Variants in PSD3 observed in about 807,000 individuals in gnomAD.
PSD3 encodes the protein PH and SEC7 domain-containing protein 3.
A neutral mutation model predicts 105.5 loss-of-function variants in PSD3; 49 were observed. The ratio of observed to expected loss-of-function variants is 0.46; its 90% CI spans 0.37 to 0.59. The LOEUF (loss-of-function observed/expected upper bound fraction) is 0.59. Ranked by LOEUF, PSD3 falls within the 20% of genes least tolerant of loss-of-function variation. PSD3 has a pLI of 0.00. For missense variants in PSD3, 1,561 were observed against 1,263.8 expected, an observed-to-expected ratio of 1.24 and a Z score of -3.57; for synonymous variants, 557 against 457.8, an observed-to-expected ratio of 1.22 and a Z score of -2.77.
At chr8:18,744,975 T>G (rs1804889250) in intron 9 of PSD3, among the ~76,000 whole-genome samples, 1 of 152,156 alleles carries the variant, frequency 6.6e-6, no homozygotes, top group South Asian at 2.1e-4. Context: ...TTGGCTGCTG[T>G]TTTCTCATGT....
chr8:19,042,885 C>CTCCAG (rs1295700644), intron 1 of PSD3, among the ~76,000 whole-genome samples: 1 of 152,196 alleles, frequency 6.6e-6, no homozygotes, highest in African/African-American at 2.4e-5. Context: ...TTGCTCTCAT[C>CTCCAG]TCCAGTTAAA....
At chr8:18,836,949 C>T (rs968858146) in intron 4 of PSD3, among the ~76,000 whole-genome samples, 1 of 149,486 alleles carries the variant, frequency 6.7e-6, no homozygotes, top group Admixed American at 6.7e-5. Flanking sequence ...AAGTTTCTTA[C>T]GTGTTTTTTT....
At chr8:18,606,544 T>C (rs960911141) in intron 11 of PSD3, among the ~76,000 whole-genome samples, 8 of 152,216 alleles carry the variant, frequency 5.3e-5, no homozygotes, top group African/African-American at 1.4e-4. Flanking sequence ...AAAAAATAGA[T>C]TCTCTATTGC....
At position 18,998,445 on chromosome 8, in the gene PSD3, T is replaced by G. The variant is rs1221707756; in HGVS notation, c.21+15118A>C. On this transcript the variant is annotated intron_variant, in intron 1 of 15. Transcript: ENST00000327040. Reference sequence around the variant, plus strand: ...GCTCACGCCTGTAATCCCAGCACTTTGGGAGGCCGAGGCGGGTGGATCACA... The same window carrying G: ...GCTCACGCCTGTAATCCCAGCACTTGGGGAGGCCGAGGCGGGTGGATCACA... 1.3e-5 allele frequency among the ~76,000 whole-genome samples: 2 copies of G among 151,906 alleles called. 1 individual carries two copies. The highest frequency in any genetic ancestry group is 4.8e-5 in the African/African-American group (2 of 41,322).
intron 9 of PSD3, among the ~76,000 whole-genome samples, chr8:18,751,223 A>ACAGCGCTGGTGGGC (rs1185893582): frequency 1.3e-5 from 2 of 152,204 alleles, no homozygotes; most frequent in Non-Finnish European, 2.9e-5. Context: ...GAAATCGAGC[A>ACAGCGCTGGTGGGC]CAGCGCTGGT....
chr8:18,614,441 G>C (rs2130667793), intron 11 of PSD3, among the ~76,000 whole-genome samples: 1 of 145,366 alleles, frequency 6.9e-6, no homozygotes, highest in South Asian at 2.1e-4. Context: ...TAATCTTTTA[G>C]GTAAAACGCA....
intron 2 of PSD3, among the ~76,000 whole-genome samples, chr8:18,896,404 T>G (rs1046734269): frequency 2.0e-5 from 3 of 152,202 alleles, no homozygotes; most frequent in African/African-American, 7.2e-5. Flanking sequence ...CTGTTTTTCC[T>G]TAGTGGCTAT....
Position 18,852,804 on chromosome 8 carries a change from G to A in PSD3, c.1634+14870C>T, listed in dbSNP as rs537938329. 1.3e-4 allele frequency among the ~76,000 whole-genome samples: 20 copies of A among 152,288 alleles called. No individual in the cohort carries two copies. The South Asian group carries it at 4.1e-3, about 32-fold the overall frequency. On this transcript the variant is annotated intron_variant, in intron 4 of 15. Transcript: ENST00000327040. ...GTCCTCACGTGCCTCACATAAGGAA[G>A]CACAATTTAAACGTCATAATAGCCA...
chr8:18,754,355 G>A (rs993632604), intron 9 of PSD3, among the ~76,000 whole-genome samples: 1 of 152,158 alleles, frequency 6.6e-6, no homozygotes, highest in South Asian at 2.1e-4. Context: ...CTGCATTCCA[G>A]CCTGGGCGAC....
intron 12 of PSD3, among the ~76,000 whole-genome samples, chr8:18,585,799 C>T (rs549710520): frequency 2.0e-5 from 3 of 152,174 alleles, no homozygotes; most frequent in African/African-American, 7.2e-5. Context: ...ACATCATTTC[C>T]CCTCATTTTA....
chr8:18,537,197 C>G (rs1799894572), intron 15 of PSD3, among the ~76,000 whole-genome samples: 1 of 152,162 alleles, frequency 6.6e-6, no homozygotes, highest in South Asian at 2.1e-4. Flanking sequence ...GTACCAACAG[C>G]TTAACACAGG....
chr8:18,784,003 A>G (rs1808885460), intron 8 of PSD3, among the ~76,000 whole-genome samples: 1 of 152,244 alleles, frequency 6.6e-6, no homozygotes, highest in Admixed American at 6.5e-5. Flanking sequence ...ATTTAGGAGT[A>G]TATTGTATGA....
At chr8:18,791,367 G>C (rs897416761) in intron 8 of PSD3, among the ~76,000 whole-genome samples, 1 of 152,088 alleles carries the variant, frequency 6.6e-6, no homozygotes, top group Non-Finnish European at 1.5e-5. Context: ...CATGGTACTG[G>C]TACAAGAATG....
intron 11 of PSD3, among the ~76,000 whole-genome samples, chr8:18,601,755 C>T (rs1453453470): frequency 6.6e-6 from 1 of 152,108 alleles, no homozygotes; most frequent in Non-Finnish European, 1.5e-5. Flanking sequence ...AACAGATAAC[C>T]ATACATCACA....
At chr8:18,693,768 T>C (rs780437588) in intron 9 of PSD3, among the ~76,000 whole-genome samples, 2 of 152,232 alleles carry the variant, frequency 1.3e-5, no homozygotes, top group African/African-American at 4.8e-5. Context: ...TTTTCTAATA[T>C]GATCCTCAAA....
intron 1 of PSD3, among the ~76,000 whole-genome samples, chr8:18,939,762 A>G (rs1398166521): frequency 6.6e-6 from 1 of 152,254 alleles, no homozygotes; most frequent in Non-Finnish European, 1.5e-5. Context: ...TATCAAGAGG[A>G]GCCTGCTCAA....
chr8:18,752,516 T>C (rs1183882274), intron 9 of PSD3, among the ~76,000 whole-genome samples: 2 of 83,268 alleles, frequency 2.4e-5, no homozygotes, highest in East Asian at 6.0e-4. Flanking sequence ...ATATAATATA[T>C]GTAATATATA....
At chr8:19,063,689 C>G (rs1270209062) in intron 1 of PSD3, among the ~76,000 whole-genome samples, 1 of 152,146 alleles carries the variant, frequency 6.6e-6, no homozygotes, top group Non-Finnish European at 1.5e-5. Context: ...TCCTTCTTCC[C>G]TAGAAGTGTG....
intron 15 of PSD3, among the ~76,000 whole-genome samples, chr8:18,550,817 C>T (rs1370455675): frequency 6.6e-6 from 1 of 152,140 alleles, no homozygotes; most frequent in Non-Finnish European, 1.5e-5. Context: ...CTTCAATTTC[C>T]TCAATAATTC....
Sources: allele counts gnomAD v4.1 joint callset (sites outside exome capture counted in the v4.1 genomes callset), GRCh38; gene constraint gnomAD v4.1.1; transcripts MANE v1.5; gene names NCBI Gene and HGNC (gene_info 2026-07-23, HGNC 2026-07-21).